The following GALNT13 variants were observed in gnomAD, a reference collection of about 807,000 sequenced individuals.
GALNT13 encodes the protein polypeptide N-acetylgalactosaminyltransferase 13, also known as UDP-GalNAc:polypeptide N-acetylgalactosaminyltransferase 13.
GALNT13 carries 28 observed loss-of-function variants against 64.2 expected under a neutral mutation model. That is an observed-to-expected ratio of 0.44 (90% confidence interval 0.32 to 0.60). The LOEUF (loss-of-function observed/expected upper bound fraction) is 0.60. Among genes scored for constraint, GALNT13 ranks in the 20% least tolerant of loss-of-function variants. The pLI is 0.05. For synonymous variants in GALNT13, 214 were observed against 224.6 expected (o/e 0.95, Z 0.42); for missense variants, 577 against 669.8 (o/e 0.86, Z 1.53).
chr2:153,896,394 GAATA>G (rs1687899276), intron 1 of GALNT13, among the ~76,000 whole-genome samples: 1 of 150,700 alleles, frequency 6.6e-6, no homozygotes, highest in Admixed American at 6.6e-5. Flanking sequence ...TGTAAATTAT[GAATA>G]AATATATCTT....
chr2:153,539,303 G>A, the GALNT13 span, among the ~76,000 whole-genome samples: 5 of 152,082 alleles, frequency 3.3e-5, no homozygotes, highest in African/African-American at 1.2e-4. Context: ...CCCTTTGTCA[G>A]ATGAGTAGGT....
At chr2:153,081,512 C>T in the GALNT13 span, among the ~76,000 whole-genome samples, 3 of 152,114 alleles carry the variant, frequency 2.0e-5, no homozygotes, top group Non-Finnish European at 4.4e-5. Context: ...CCCCCTTACC[C>T]TCCCACTACT....
intron 4 of GALNT13, among the ~76,000 whole-genome samples, chr2:154,236,560 A>G (rs1410042897): frequency 6.6e-6 from 1 of 152,086 alleles, no homozygotes; most frequent in Non-Finnish European, 1.5e-5. Context: ...CAGCATGTCA[A>G]TATAGTGTTA....
chr2:153,356,797 T>C, the GALNT13 span, among the ~76,000 whole-genome samples: 10 of 132,362 alleles, frequency 7.6e-5, no homozygotes, highest in East Asian at 6.6e-4. Context: ...CTCTTTTTTT[T>C]TTTTTTTTTT....
At chr2:153,811,921 A>T in the GALNT13 span, among the ~76,000 whole-genome samples, 1 of 152,186 alleles carries the variant, frequency 6.6e-6, no homozygotes, top group Admixed American at 6.5e-5. Context: ...TTAAATTGAG[A>T]TATAATAAAC....
intron 8 of GALNT13, among the ~76,000 whole-genome samples, chr2:154,266,493 A>G (rs1691007784): frequency 6.6e-6 from 1 of 152,116 alleles, no homozygotes; most frequent in African/African-American, 2.4e-5. Flanking sequence ...CAGAAAACTG[A>G]TATTAAACAT....
At chr2:153,168,381 A>AT in the GALNT13 span, among the ~76,000 whole-genome samples, 1 of 152,110 alleles carries the variant, frequency 6.6e-6, no homozygotes, top group African/African-American at 2.4e-5. Context: ...TTGTTTTTAT[A>AT]TTTTTTATTT....
the GALNT13 span, among the ~76,000 whole-genome samples, chr2:153,105,729 G>GACAA: frequency 2.4e-4 from 37 of 151,910 alleles, no homozygotes; most frequent in African/African-American, 8.9e-4. Context: ...ACCAATAACA[G>GACAA]ACAGAGAGCC....
At chr2:153,750,023 G>A in the GALNT13 span, among the ~76,000 whole-genome samples, 118 of 151,408 alleles carry the variant, frequency 7.8e-4, no homozygotes, top group African/African-American at 2.5e-3. Context: ...TTTTATTTAG[G>A]GTATTTTATC....
chr2:153,629,582 G>A, the GALNT13 span, among the ~76,000 whole-genome samples: 1 of 152,136 alleles, frequency 6.6e-6, no homozygotes, highest in Non-Finnish European at 1.5e-5. Context: ...CAGGACATAG[G>A]CATGGGCAAG....
At chr2:153,859,528 T>C in the GALNT13 span, among the ~76,000 whole-genome samples, 2 of 152,154 alleles carry the variant, frequency 1.3e-5, no homozygotes, top group African/African-American at 4.8e-5. Flanking sequence ...TCTTAAAATA[T>C]AACAAATTGT....
chr2:153,203,869 G>A, the GALNT13 span, among the ~76,000 whole-genome samples: 22,381 of 104,656 alleles, frequency 0.21, 2,111 homozygotes, highest in Non-Finnish European at 0.34. Flanking sequence ...AATATGTAGC[G>A]TGTCTACACA....
At chr2:154,088,854 T>G (rs994822266) in intron 3 of GALNT13, among the ~76,000 whole-genome samples, 2 of 152,130 alleles carry the variant, frequency 1.3e-5, no homozygotes, top group African/African-American at 4.8e-5. Flanking sequence ...GCCAGCTGAT[T>G]GCATTATTGT....
At chr2:153,787,768 A>G in the GALNT13 span, among the ~76,000 whole-genome samples, 1 of 152,254 alleles carries the variant, frequency 6.6e-6, no homozygotes, top group Non-Finnish European at 1.5e-5. Flanking sequence ...GATAGAACCA[A>G]AAAACATACT....
the GALNT13 span, among the ~76,000 whole-genome samples, chr2:153,492,670 A>C: frequency 3.3e-5 from 5 of 152,220 alleles, no homozygotes; most frequent in African/African-American, 4.8e-5. Flanking sequence ...CAGAGCTAGA[A>C]AAACTAAAAA....
the GALNT13 span, among the ~76,000 whole-genome samples, chr2:153,682,997 A>T: frequency 2.6e-5 from 4 of 151,754 alleles, no homozygotes. Context: ...GTAAAGAAGG[A>T]TGTTATGAAA....
intron 8 of GALNT13, among the ~76,000 whole-genome samples, chr2:154,271,300 G>A (rs1323674013): frequency 1.3e-5 from 2 of 151,952 alleles, no homozygotes; most frequent in Non-Finnish European, 2.9e-5. Context: ...GCCATTACTG[G>A]CTGCAATGAA....
At chr2:153,878,531 T>G (rs562382135) in intron 1 of GALNT13, among the ~76,000 whole-genome samples, 1 of 152,326 alleles carries the variant, frequency 6.6e-6, no homozygotes, top group African/African-American at 2.4e-5. Flanking sequence ...AGCCTTAGTT[T>G]ACTGTGTTAA....
At chr2:154,153,944 T>TG (rs1410286768) in intron 4 of GALNT13, among the ~76,000 whole-genome samples, 1 of 152,174 alleles carries the variant, frequency 6.6e-6, no homozygotes, top group African/African-American at 2.4e-5. Context: ...CCCACTGTCC[T>TG]GCGTCCATTG....
Sources: gnomAD v4.1 joint callset for allele counts (sites outside exome capture counted in the v4.1 genomes callset) on GRCh38, gnomAD v4.1.1 for gene constraint, MANE v1.5 for transcripts, NCBI Gene and HGNC (gene_info 2026-07-23, HGNC 2026-07-21) for gene names.